Variants in DPP10 observed in about 807,000 individuals in gnomAD.
DPP10 encodes dipeptidyl peptidase like 10, also known as inactive dipeptidyl peptidase 10.
A neutral mutation model predicts 120.9 loss-of-function variants in DPP10; 33 were observed. That is an observed-to-expected ratio of 0.27 (90% CI 0.21 to 0.37). The LOEUF (loss-of-function observed/expected upper bound fraction) is 0.37. Among genes scored for constraint, DPP10 ranks in the 10% least tolerant of loss-of-function variants. The pLI is 1.00. For missense variants in DPP10, 816 were observed against 942.8 expected (o/e 0.87, Z 1.76); for synonymous variants, 337 against 326.1 (o/e 1.03, Z -0.36).
intron 1 of DPP10, among the ~76,000 whole-genome samples, chr2:114,814,303 G>GAGTTGATGTGTGTTGATAACAT (rs1288245674): frequency 6.6e-6 from 1 of 152,010 alleles, no homozygotes; most frequent in Admixed American, 6.6e-5. Context: ...TTGATGTGTG[G>GAGTTGATGTGTGTTGATAACAT]AGTGTTAGCT....
At chr2:115,804,677 G>A (rs561259734) in intron 19 of DPP10, among the ~76,000 whole-genome samples, 13 of 152,298 alleles carry the variant, frequency 8.5e-5, no homozygotes, top group Admixed American at 2.6e-4. Flanking sequence ...CAGGTCTGTC[G>A]GAGTTTACTG....
In DPP10 at chr2:115,832,396, G is replaced by A. The variant is rs947302787; in HGVS notation, c.1951-3761G>A. ...TCCCAGCTACTCAGGAGGCGGAAGT[G>A]GGAGGTCTGCTTAAGCCTGGGAGGC... On this transcript the variant is annotated intron_variant, in intron 21 of 25. Transcript: ENST00000410059. 4.3e-4 allele frequency among the ~76,000 whole-genome samples: 66 copies of A among 152,152 alleles called. 1 individual carries two copies. The highest frequency in any genetic ancestry group is 1.4e-3 in the African/African-American group (56 of 41,434).
chr2:114,921,823 A>G (rs545758196), intron 1 of DPP10, among the ~76,000 whole-genome samples: 1 of 152,356 alleles, frequency 6.6e-6, no homozygotes, highest in Admixed American at 6.5e-5. Context: ...TAGACATTCA[A>G]TGAGTGAATT....
chr2:114,994,830 T>C (rs776671482), intron 1 of DPP10, among the ~76,000 whole-genome samples: 4 of 152,234 alleles, frequency 2.6e-5, no homozygotes, highest in Non-Finnish European at 5.9e-5. Context: ...AACTACACAG[T>C]GGTTATTTAG....
At chr2:115,249,655 T>C (rs922016457) in intron 1 of DPP10, among the ~76,000 whole-genome samples, 1 of 152,158 alleles carries the variant, frequency 6.6e-6, no homozygotes, top group African/African-American at 2.4e-5. Context: ...GCAAGCCTTT[T>C]GAGTTCTACT....
At chr2:115,121,531 A>T (rs2049823892) in intron 1 of DPP10, among the ~76,000 whole-genome samples, 2 of 152,302 alleles carry the variant, frequency 1.3e-5, no homozygotes, top group East Asian at 3.9e-4. Flanking sequence ...AGCCTGGCCC[A>T]GGGGCATTTT....
intron 1 of DPP10, among the ~76,000 whole-genome samples, chr2:114,547,297 C>G (rs1416478844): frequency 6.6e-6 from 1 of 152,244 alleles, no homozygotes; most frequent in Non-Finnish European, 1.5e-5. Flanking sequence ...TCCTCCACTC[C>G]TGCCCAGTCA....
chr2:115,775,679 T>G (rs55849223), intron 13 of DPP10, among the ~76,000 whole-genome samples: 40,340 of 151,942 alleles, frequency 0.27, 5,664 homozygotes, highest in Middle Eastern at 0.44. Context: ...TAGTACAATT[T>G]ATGACATGGG....
At chr2:115,666,056 C>T (rs2089429485) in intron 5 of DPP10, among the ~76,000 whole-genome samples, 1 of 152,082 alleles carries the variant, frequency 6.6e-6, no homozygotes, top group African/African-American at 2.4e-5. Flanking sequence ...CCATCCTCCA[C>T]CCTCAAGTAG....
intron 20 of DPP10, among the ~76,000 whole-genome samples, 179 bp from the exon 21 acceptor site, chr2:115,815,496 G>C (rs1161180143): frequency 6.6e-6 from 1 of 152,098 alleles, no homozygotes; most frequent in South Asian, 2.1e-4. Context: ...CAAACTACTA[G>C]GCCATCACTT....
chr2:115,753,873 G>A (rs572709370), intron 11 of DPP10, among the ~76,000 whole-genome samples: 2 of 152,228 alleles, frequency 1.3e-5, no homozygotes, highest in Admixed American at 6.5e-5. Flanking sequence ...AAACACTGCA[G>A]TAAGTTTAAA....
At chr2:114,718,569 GT>G (rs1419504132) in intron 1 of DPP10, among the ~76,000 whole-genome samples, 1 of 152,126 alleles carries the variant, frequency 6.6e-6, no homozygotes, top group African/African-American at 2.4e-5. Flanking sequence ...AAGAACCAAT[GT>G]TTTTGGTCAC....
intron 5 of DPP10, among the ~76,000 whole-genome samples, chr2:115,527,469 T>C (rs2148903142): frequency 6.6e-6 from 1 of 152,278 alleles, no homozygotes; most frequent in African/African-American, 2.4e-5. Flanking sequence ...GATTTAAGGC[T>C]AGGGAAAAAT....
chr2:114,502,977 G>T (rs78964529), intron 1 of DPP10, among the ~76,000 whole-genome samples: 1 of 152,130 alleles, frequency 6.6e-6, no homozygotes, highest in South Asian at 2.1e-4. Flanking sequence ...ATAAAAGTGC[G>T]TGTGTGTCTG....
chr2:114,665,572 A>AGACCTAAAT (rs1253974192), intron 1 of DPP10, among the ~76,000 whole-genome samples: 7 of 152,248 alleles, frequency 4.6e-5, no homozygotes, highest in African/African-American at 1.7e-4. Flanking sequence ...TTGGAATGTC[A>AGACCTAAAT]GACCTAAATG....
At chr2:115,491,568 C>T (rs982919648) in intron 3 of DPP10, among the ~76,000 whole-genome samples, 2 of 151,772 alleles carry the variant, frequency 1.3e-5, no homozygotes, top group Admixed American at 6.6e-5. Flanking sequence ...TATCTTGGGG[C>T]AGACATCTCT....
intron 2 of DPP10, among the ~76,000 whole-genome samples, chr2:115,317,872 G>C (rs147791418): frequency 6.6e-6 from 1 of 151,884 alleles, no homozygotes; most frequent in African/African-American, 2.4e-5. Context: ...TTAATCTCTT[G>C]TCAGAAACAT....
At chr2:114,828,376 A>G (rs1463091187) in intron 1 of DPP10, 1 of 152,218 alleles carries the variant, frequency 6.6e-6, no homozygotes, top group Non-Finnish European at 1.5e-5. Flanking sequence ...CTTTTTTATC[A>G]TTGTTAGATA....
chr2:115,285,929 G>A (rs971048512), intron 1 of DPP10, among the ~76,000 whole-genome samples: 54 of 152,006 alleles, frequency 3.6e-4, no homozygotes, highest in African/African-American at 1.2e-3. Flanking sequence ...CCTCTTTCCC[G>A]CTACAGGATA....
Sources: allele counts gnomAD v4.1 joint callset (sites outside exome capture counted in the v4.1 genomes callset), GRCh38; gene constraint gnomAD v4.1.1; transcripts MANE v1.5; gene names NCBI Gene and HGNC (gene_info 2026-07-23, HGNC 2026-07-21).